NUP35: variants seen among roughly 807,000 people sequenced by gnomAD.
NUP35 encodes nucleoporin NUP35.
In NUP35, 25 loss-of-function variants were observed where a neutral mutation model predicts 41.5. That is an observed-to-expected ratio of 0.60 (90% CI 0.44 to 0.84). NUP35 has a LOEUF of 0.84. NUP35 is among the 40% of genes least tolerant of loss of function. The pLI, the probability that NUP35 is intolerant of heterozygous loss-of-function variation, is 0.00. For synonymous variants in NUP35, 149 were observed against 130.7 expected (o/e 1.14, Z -0.96); for missense variants, 396 against 396.6 (o/e 1.00, Z 0.01).
chr2:183,152,361 C>G (rs1044065854), intron 5 of NUP35, among the ~76,000 whole-genome samples: 1 of 152,000 alleles, frequency 6.6e-6, no homozygotes, highest in Admixed American at 6.6e-5. Context: ...TTACATGATT[C>G]GTGAGACTTT....
chr2:183,130,186 A>C (rs1473197819), intron 2 of NUP35, among the ~76,000 whole-genome samples: 3 of 152,202 alleles, frequency 2.0e-5, no homozygotes, highest in African/African-American at 7.2e-5. Flanking sequence ...ATGGATCAGC[A>C]GCATTGGCAT....
At chr2:183,119,461 G>A (rs1054351532), upstream of NUP35, among the ~76,000 whole-genome samples, 1 of 152,136 alleles carries the variant, frequency 6.6e-6, no homozygotes, top group Non-Finnish European at 1.5e-5. Context: ...CATGGCTGGG[G>A]CAGGTTTACA....
At chr2:183,141,816 T>C (rs1399271638) in intron 4 of NUP35, among the ~76,000 whole-genome samples, 1 of 152,232 alleles carries the variant, frequency 6.6e-6, no homozygotes, top group African/African-American at 2.4e-5. Context: ...TTTCTTGTTT[T>C]GGCATGGTGT....
At chr2:183,135,598 T>G (rs2105560903) in intron 4 of NUP35, among the ~76,000 whole-genome samples, 1 of 152,194 alleles carries the variant, frequency 6.6e-6, no homozygotes, top group East Asian at 1.9e-4. Context: ...AGGAGGCTAC[T>G]TGTAGCAATC....
At chr2:183,160,970 C>T (rs944585220) in intron 8 of NUP35, 84 bp from the exon 9 acceptor site, 7 of 1,005,036 alleles carry the variant, frequency 7.0e-6, no homozygotes, top group South Asian at 4.4e-5. Flanking sequence ...TGGTGTTTCT[C>T]TTTTAAATGA....
intron 7 of NUP35, among the ~76,000 whole-genome samples, chr2:183,158,870 T>C (rs142282993): frequency 7.5e-4 from 114 of 152,278 alleles, no homozygotes; most frequent in Middle Eastern, 6.8e-3. Flanking sequence ...TAAAACTATT[T>C]TAAAATTATT....
intron 4 of NUP35, among the ~76,000 whole-genome samples, chr2:183,140,016 A>G (rs1400508583): frequency 6.6e-6 from 1 of 152,240 alleles, no homozygotes; most frequent in Non-Finnish European, 1.5e-5. Flanking sequence ...TTGGCAAGGC[A>G]TGATTTTTCT....
intron 7 of NUP35, among the ~76,000 whole-genome samples, chr2:183,158,988 A>G (rs1455751249): frequency 6.6e-6 from 1 of 152,152 alleles, no homozygotes. Context: ...ACTACATTCC[A>G]GGCATTGTGC....
At chr2:183,150,663 G>A (rs1033172852) in intron 4 of NUP35, among the ~76,000 whole-genome samples, 3 of 151,452 alleles carry the variant, frequency 2.0e-5, no homozygotes, top group Middle Eastern at 3.2e-3. Flanking sequence ...TTACTTATTT[G>A]TCTCTCTTTC....
chr2:183,130,168 T>G (rs2105546749), intron 2 of NUP35, among the ~76,000 whole-genome samples: 1 of 152,236 alleles, frequency 6.6e-6, no homozygotes, highest in African/African-American at 2.4e-5. Flanking sequence ...TTATTCAGAG[T>G]GCAGTCTATG....
chr2:183,133,665 G>C (rs1443196939), intron 4 of NUP35, 42 bp downstream of exon 4: 21 of 1,450,360 alleles, frequency 1.4e-5, no homozygotes, highest in Admixed American at 2.3e-5. Flanking sequence ...TAAAAGACAG[G>C]GTCTGGCTCT....
intron 7 of NUP35, 150 bp downstream of exon 7, chr2:183,158,561 T>C (rs1685757948): frequency 5.0e-6 from 3 of 599,786 alleles, no homozygotes; most frequent in Non-Finnish European, 7.9e-6. Context: ...CTCTTTGTGG[T>C]AAGCCGAAGG....
At chr2:183,123,701 C>T, upstream of NUP35, 1 of 668,060 alleles carries the variant, frequency 1.5e-6, no homozygotes, top group Non-Finnish European at 1.9e-6. Flanking sequence ...CACACATATG[C>T]AGAATATGTG....
chr2:183,157,391 A>G, intron 5 of NUP35, 53 bp from the exon 6 acceptor site: 1 of 1,252,908 alleles, frequency 8.0e-7, no homozygotes, highest in Non-Finnish European at 1.2e-6. Context: ...AGTAATTTGC[A>G]TTCACATTGA....
At chr2:183,145,240 A>T (rs560667189) in intron 4 of NUP35, among the ~76,000 whole-genome samples, 2 of 152,256 alleles carry the variant, frequency 1.3e-5, no homozygotes, top group African/African-American at 2.4e-5. Flanking sequence ...GGGATGTTTC[A>T]TTCTAAATCA....
At chr2:183,121,041 A>C (rs534012304), upstream of NUP35, among the ~76,000 whole-genome samples, 2 of 152,318 alleles carry the variant, frequency 1.3e-5, no homozygotes, top group Non-Finnish European at 2.9e-5. Context: ...CAGGTTAGAA[A>C]AAAAATGGGA....
chr2:183,135,147 G>A (rs557684424), intron 4 of NUP35, among the ~76,000 whole-genome samples: 30 of 152,178 alleles, frequency 2.0e-4, no homozygotes, highest in Non-Finnish European at 3.4e-4. Flanking sequence ...GATTAGCAGG[G>A]TTAATTCCAC....
At chr2:183,158,959 T>C (rs1685772316) in intron 7 of NUP35, among the ~76,000 whole-genome samples, 1 of 152,168 alleles carries the variant, frequency 6.6e-6, no homozygotes, top group Admixed American at 6.5e-5. Flanking sequence ...GAACATTCTT[T>C]AAGTATATGT....
intron 1 of NUP35, among the ~76,000 whole-genome samples, chr2:183,127,713 G>T (rs549507871): frequency 6.6e-6 from 1 of 152,156 alleles, no homozygotes; most frequent in Non-Finnish European, 1.5e-5. Flanking sequence ...TTCGGAAATG[G>T]AAAGAAGTTA....
Sources: allele counts gnomAD v4.1 joint callset (sites outside exome capture counted in the v4.1 genomes callset), GRCh38; gene constraint gnomAD v4.1.1; transcripts MANE v1.5; gene names NCBI Gene and HGNC (gene_info 2026-07-23, HGNC 2026-07-21).